Variants in PCNX2 observed in about 807,000 individuals in gnomAD.
PCNX2 encodes pecanex 2, also known as pecanex-like protein 2.
A neutral mutation model predicts 223.8 loss-of-function variants in PCNX2; 168 were observed. The observed-to-expected ratio is 0.75, with a 90% CI of 0.66 to 0.85. The LOEUF (loss-of-function observed/expected upper bound fraction) is 0.85. Ranked by LOEUF, PCNX2 falls within the 40% of genes least tolerant of loss-of-function variation. PCNX2 has a pLI of 0.00. For missense variants in PCNX2, 2,507 were observed against 2,675.5 expected, an observed-to-expected ratio of 0.94 and a Z score of 1.39; for synonymous variants, 1,006 against 1,052.6, an observed-to-expected ratio of 0.96 and a Z score of 0.86.
intron 9 of PCNX2, among the ~76,000 whole-genome samples, chr1:233,236,175 A>G (rs959844095): frequency 6.6e-6 from 1 of 151,824 alleles, no homozygotes; most frequent in Admixed American, 6.6e-5. Context: ...TTCTTCTAAG[A>G]AGCCTTCCCC....
chr1:233,153,012 C>T (rs768122416), intron 19 of PCNX2, among the ~76,000 whole-genome samples: 2 of 152,230 alleles, frequency 1.3e-5, no homozygotes, highest in Non-Finnish European at 2.9e-5. Context: ...TGGGCCATAA[C>T]ATTATAATTA....
At chr1:233,291,539 T>A in intron 1 of PCNX2, 4 of 368,426 alleles carry the variant, frequency 1.1e-5, no homozygotes, top group Non-Finnish European at 1.4e-5. Flanking sequence ...ACCCGGGAGG[T>A]GGAGGTTGCG....
intron 18 of PCNX2, 113 bp from the exon 19 acceptor site, chr1:233,160,546 C>G: frequency 8.3e-7 from 1 of 1,200,912 alleles, no homozygotes. Flanking sequence ...TAACGGATAG[C>G]CAGACTCAGT....
chr1:233,044,114 A>G (rs1011084289), intron 25 of PCNX2, among the ~76,000 whole-genome samples: 2 of 152,044 alleles, frequency 1.3e-5, no homozygotes, highest in African/African-American at 4.8e-5. Context: ...CTGGTGTGAG[A>G]CGGTATCTCA....
chr1:233,194,508 T>A (rs910268090), intron 15 of PCNX2, among the ~76,000 whole-genome samples: 18 of 152,148 alleles, frequency 1.2e-4, no homozygotes, highest in Non-Finnish European at 1.2e-4. Context: ...ATTTTAAAGA[T>A]TTTTAAATAT....
intron 19 of PCNX2, among the ~76,000 whole-genome samples, chr1:233,152,098 C>G (rs971562737): frequency 5.3e-5 from 8 of 152,198 alleles, no homozygotes; most frequent in African/African-American, 1.9e-4. Flanking sequence ...CAGAGGAGAT[C>G]AGCCAGAGTA....
chr1:233,248,417 T>C (rs960404991), intron 8 of PCNX2, among the ~76,000 whole-genome samples: 13 of 152,024 alleles, frequency 8.6e-5, no homozygotes, highest in African/African-American at 3.1e-4. Context: ...CCATGGGATC[T>C]ATGAGAAAGA....
intron 22 of PCNX2, chr1:233,095,266 A>G (rs1674096285): frequency 6.5e-6 from 1 of 152,946 alleles, no homozygotes; most frequent in South Asian, 2.1e-4. Flanking sequence ...AAAGACCATA[A>G]TTTAATTTTT....
At chr1:233,017,403 C>T (rs958536335) in intron 26 of PCNX2, among the ~76,000 whole-genome samples, 3 of 149,580 alleles carry the variant, frequency 2.0e-5, no homozygotes, top group East Asian at 2.0e-4. Flanking sequence ...CTGCAAGCTC[C>T]GCCTCCCAGG....
chr1:233,172,546 T>C (rs889145510), intron 17 of PCNX2: 2 of 985,070 alleles, frequency 2.0e-6, no homozygotes, highest in African/African-American at 3.5e-5. Context: ...TCTGAGAGTG[T>C]GGCACTTTGG....
At chr1:233,226,748 A>G (rs1558366267) in intron 10 of PCNX2, among the ~76,000 whole-genome samples, 1 of 152,170 alleles carries the variant, frequency 6.6e-6, no homozygotes, top group African/African-American at 2.4e-5. Context: ...CAAGTGAGCA[A>G]TAAGAATCCA....
chr1:233,100,215 A>G (rs1674407441), intron 21 of PCNX2, among the ~76,000 whole-genome samples: 1 of 152,060 alleles, frequency 6.6e-6, no homozygotes, highest in Non-Finnish European at 1.5e-5. Flanking sequence ...GAGTTCCAGA[A>G]CAGCCTGGCC....
intron 32 of PCNX2, among the ~76,000 whole-genome samples, chr1:232,989,766 C>T (rs1279715118): frequency 2.0e-5 from 3 of 152,196 alleles, no homozygotes; most frequent in South Asian, 2.1e-4. Context: ...TCAGAAAGTT[C>T]GGGGTGGGTA....
intron 28 of PCNX2, among the ~76,000 whole-genome samples, chr1:233,006,866 T>C (rs924024536): frequency 6.6e-6 from 1 of 152,154 alleles, no homozygotes; most frequent in African/African-American, 2.4e-5. Context: ...GTTTACTGAT[T>C]AGTAACAGAA....
chr1:233,205,729 G>A (rs1261631399), intron 13 of PCNX2, among the ~76,000 whole-genome samples: 1 of 151,288 alleles, frequency 6.6e-6, no homozygotes, highest in Non-Finnish European at 1.5e-5. Context: ...CAAAAAACAC[G>A]GACTTTAATG....
chr1:233,254,333 C>G (rs1452547113), intron 5 of PCNX2, among the ~76,000 whole-genome samples: 1 of 152,172 alleles, frequency 6.6e-6, no homozygotes, highest in African/African-American at 2.4e-5. Context: ...GCTATCATAA[C>G]AAATAGCTTT....
At position 233,161,353 on chromosome 1, in the gene PCNX2, A is replaced by G; in HGVS notation, c.3284T>C (p.Leu1095Ser). ...KKMKDSVTDV[L>S]KWDLIVCAVV... ...TGCGCAGACGATGAGATCCCATTTT[A>G]AGACATCCGTCTGGAAAGAGAAAAC... Residue 1095 changes from leucine to serine, a missense_variant, in exon 18 of 34, where the codon TTA (leucine) becomes TCA (serine). Physicochemically the swap from Leu to Ser is moderately radical, Grantham distance 145. Transcript: ENST00000258229. The G allele has an allele frequency of 1.2e-6, 2 of 1,613,786 alleles. No individual in the cohort carries two copies. Among genetic ancestry groups the G allele is most frequent in the Non-Finnish European group, 1.7e-6 (2 of 1,179,776 alleles).
chr1:233,025,436 A>G (rs765752892), intron 25 of PCNX2, 37 bp from the exon 26 acceptor site: 1 of 1,606,404 alleles, frequency 6.2e-7, no homozygotes, highest in Non-Finnish European at 8.5e-7. Context: ...TTTGAAGAGA[A>G]GGCATGCTAG....
At position 233,262,217 on chromosome 1, in the gene PCNX2, G is replaced by T; in HGVS notation, c.360-52C>A. 1.9e-6 allele frequency: 3 copies of T among 1,606,670 alleles called. No homozygotes were observed. The South Asian group carries it at 3.3e-5, about 18-fold the overall frequency. The stretch of plus-strand genomic sequence containing the variant: ...CAGTGAGCGATATTATCAAACAGAA[G>T]CATGACTCTTTTAGTACTAGTCTAA... On this transcript the variant is annotated intron_variant, in intron 2 of 33. Coordinates refer to ENST00000258229, the MANE Select transcript of PCNX2 (RefSeq NM_014801.4).
Sources: allele counts gnomAD v4.1 joint callset (sites outside exome capture counted in the v4.1 genomes callset), GRCh38; gene constraint gnomAD v4.1.1; transcripts MANE v1.5; gene names NCBI Gene and HGNC (gene_info 2026-07-23, HGNC 2026-07-21).